Variants in RORA observed in about 807,000 individuals in gnomAD.
RORA encodes nuclear receptor ROR-alpha.
In RORA, 7 loss-of-function variants were observed where a neutral mutation model predicts 69.5. The ratio of observed to expected loss-of-function variants is 0.10; its 90% CI spans 0.06 to 0.19. RORA has a LOEUF of 0.19. Ranked by LOEUF, RORA falls within the 10% of genes least tolerant of loss-of-function variation. RORA has a pLI of 1.00. For synonymous variants in RORA, 261 were observed against 240.8 expected (o/e 1.08, Z -0.78); for missense variants, 457 against 663.0 (o/e 0.69, Z 3.41).
intron 1 of RORA, among the ~76,000 whole-genome samples, chr15:60,964,820 T>C (rs907025208): frequency 1.3e-5 from 2 of 152,116 alleles, no homozygotes; most frequent in Non-Finnish European, 2.9e-5. Context: ...GAAAGGGAAG[T>C]GGTGGCTGGA....
At chr15:60,938,532 T>C (rs1892596393) in intron 1 of RORA, among the ~76,000 whole-genome samples, 1 of 152,196 alleles carries the variant, frequency 6.6e-6, no homozygotes. Flanking sequence ...AGTGTAAAAC[T>C]TCTGCCAATC....
intron 1 of RORA, chr15:60,706,118 A>G (rs1156774496): frequency 1.3e-5 from 2 of 152,194 alleles, no homozygotes; most frequent in Admixed American, 1.3e-4. Flanking sequence ...AGAAGAATCA[A>G]TTGAGTTTGA....
intron 1 of RORA, among the ~76,000 whole-genome samples, chr15:61,090,701 AG>A (rs1341881245): frequency 3.3e-5 from 5 of 152,226 alleles, no homozygotes; most frequent in Non-Finnish European, 5.9e-5. Context: ...GCTCTAGACA[AG>A]ATGAGACAAG....
At chr15:61,106,484 T>G (rs1400250980) in intron 1 of RORA, among the ~76,000 whole-genome samples, 1 of 152,202 alleles carries the variant, frequency 6.6e-6, no homozygotes, top group Non-Finnish European at 1.5e-5. Flanking sequence ...TAGGAGCTTG[T>G]AACTCTCTCC....
chr15:61,067,968 G>T (rs1440859657), intron 1 of RORA, among the ~76,000 whole-genome samples: 5 of 152,200 alleles, frequency 3.3e-5, no homozygotes, highest in Admixed American at 3.3e-4. Context: ...TGGCCAGAGG[G>T]TCAGAGATAT....
chr15:60,865,615 G>A (rs533599702), intron 1 of RORA, among the ~76,000 whole-genome samples: 1 of 152,302 alleles, frequency 6.6e-6, no homozygotes, highest in East Asian at 1.9e-4. Flanking sequence ...CAGTTTAAGT[G>A]AAAGGAATAA....
intron 5 of RORA, among the ~76,000 whole-genome samples, chr15:60,509,931 T>G (rs923948487): frequency 6.6e-6 from 1 of 152,228 alleles, no homozygotes; most frequent in Non-Finnish European, 1.5e-5. Flanking sequence ...GTCCCTGCTC[T>G]TGAGGATTTA....
At chr15:61,098,850 G>T (rs1377779935) in intron 1 of RORA, among the ~76,000 whole-genome samples, 1 of 152,084 alleles carries the variant, frequency 6.6e-6, no homozygotes, top group African/African-American at 2.4e-5. Context: ...TACTGCTTAG[G>T]AGCAATCGTT....
intron 1 of RORA, among the ~76,000 whole-genome samples, chr15:60,872,524 G>A (rs2073568392): frequency 6.6e-6 from 1 of 152,092 alleles, no homozygotes; most frequent in African/African-American, 2.4e-5. Context: ...GTATAAAGTA[G>A]GGCAGTGAGA....
rs145132157 is a variant in RORA at position 61,051,087 on chromosome 15, A to G, written c.166+177966T>C. On this transcript the variant is annotated intron_variant, in intron 1 of 10. Transcript: ENST00000335670. The stretch of plus-strand genomic sequence containing the variant: ...CTCAACAACCACACAACGTAATGCT[A>G]TGGCACCTCAGGTGGCAGGGAGGGT... Among the ~76,000 whole-genome samples the G allele has an allele frequency of 1.4e-3, 211 of 152,292 alleles. 2 individuals are homozygous for G. The highest frequency in any genetic ancestry group is 6.6e-3 in the South Asian group (32 of 4,816).
intron 1 of RORA, among the ~76,000 whole-genome samples, chr15:61,070,907 C>T (rs2078332454): frequency 6.6e-6 from 1 of 151,970 alleles, no homozygotes; most frequent in Admixed American, 6.5e-5. Context: ...TTCCAAGTTA[C>T]AAAAAACTGG....
At chr15:60,509,128 C>G (rs561777074) in intron 5 of RORA, among the ~76,000 whole-genome samples, 1 of 152,190 alleles carries the variant, frequency 6.6e-6, no homozygotes, top group Non-Finnish European at 1.5e-5. Context: ...CTTTAAGCCC[C>G]AAAAGAAATA....
rs1567224664 is a variant in RORA at position 60,883,156 on chromosome 15, G to GAA, written c.167-204471_167-204470insTT. ...AAAAAAAAAAAAAAAAAAAAAGAAA[G>GAA]AGAGAGAGAGAGAGAGAGAGAGAGA... On this transcript the variant is annotated intron_variant, in intron 1 of 10. Transcript: ENST00000335670. Among the ~76,000 whole-genome samples the GAA allele has an allele frequency of 6.8e-3, 600 of 88,806 alleles. 4 individuals are homozygous for GAA. The highest frequency in any genetic ancestry group is 0.016 in the African/African-American group (382 of 23,320). The allele number at this position is 88,806 out of a possible 152,430, so 58.3% of individuals were successfully genotyped here.
intron 1 of RORA, among the ~76,000 whole-genome samples, chr15:60,923,592 A>C (rs570662296): frequency 3.3e-5 from 5 of 152,354 alleles, no homozygotes; most frequent in South Asian, 2.1e-4. Context: ...TTTTTAAAAA[A>C]GGCACATAAT....
intron 1 of RORA, among the ~76,000 whole-genome samples, chr15:61,174,110 CCTACTCTCTCAG>C (rs2079607835): frequency 6.6e-6 from 1 of 152,244 alleles, no homozygotes; most frequent in Non-Finnish European, 1.5e-5. Flanking sequence ...AGGCACATTA[CCTACTCTCTCAG>C]CTTTCTGCCA....
intron 1 of RORA, among the ~76,000 whole-genome samples, chr15:60,941,326 A>C (rs762639115): frequency 3.3e-5 from 5 of 152,212 alleles, no homozygotes; most frequent in Admixed American, 6.5e-5. Flanking sequence ...ATGGTTGTTA[A>C]AGCTTCAAAA....
chr15:60,718,999 C>G (rs1322787995), intron 1 of RORA, among the ~76,000 whole-genome samples: 1 of 128,722 alleles, frequency 7.8e-6, no homozygotes, highest in Non-Finnish European at 1.7e-5. Context: ...GCCTTGAGCT[C>G]TTTAAAAAGA....
intron 2 of RORA, among the ~76,000 whole-genome samples, chr15:60,588,073 C>G (rs1425878787): frequency 1.3e-5 from 2 of 152,064 alleles, no homozygotes; most frequent in Non-Finnish European, 2.9e-5. Flanking sequence ...ATGGGGGAGA[C>G]AGAACTTGTA....
chr15:60,895,475 G>C (rs924457413), intron 1 of RORA, among the ~76,000 whole-genome samples: 4 of 152,152 alleles, frequency 2.6e-5, no homozygotes, highest in Non-Finnish European at 5.9e-5. Context: ...TAAATCCTCC[G>C]TCAGAGAGAT....
Sources: allele counts gnomAD v4.1 joint callset (sites outside exome capture counted in the v4.1 genomes callset), GRCh38; gene constraint gnomAD v4.1.1; transcripts MANE v1.5; gene names NCBI Gene and HGNC (gene_info 2026-07-23, HGNC 2026-07-21).